The following SAMSN1 variants were observed in gnomAD, a reference collection of about 807,000 sequenced individuals.
SAMSN1 encodes SAM domain, SH3 domain and nuclear localization signals 1.
SAMSN1 carries 31 observed loss-of-function variants against 42.0 expected under a neutral mutation model. The observed-to-expected ratio is 0.74, with a 90% CI of 0.55 to 1.00. The LOEUF is 1.00. Among genes scored for constraint, SAMSN1 ranks in the 50% least tolerant of loss-of-function variants. The probability of loss-of-function intolerance (pLI) is 0.00; values close to 1 mark genes in which losing one functional copy is unlikely to be tolerated. For synonymous variants in SAMSN1, 178 were observed against 151.9 expected (o/e 1.17, Z -1.26); for missense variants, 464 against 439.4 (o/e 1.06, Z -0.50).
At chr21:14,654,492 G>A (rs1361575599) in intron 1 of SAMSN1, among the ~76,000 whole-genome samples, 1 of 151,982 alleles carries the variant, frequency 6.6e-6, no homozygotes, top group Non-Finnish European at 1.5e-5. Flanking sequence ...CTTAAACCCT[G>A]AGGGGTAGCA....
At chr21:14,605,108 G>A (rs914857966) in intron 5 of SAMSN1, among the ~76,000 whole-genome samples, 1 of 152,202 alleles carries the variant, frequency 6.6e-6, no homozygotes, top group Non-Finnish European at 1.5e-5. Context: ...GGCAGCAAGG[G>A]ATGATGTAAA....
At chr21:14,597,194 T>C (rs1436954407) in intron 6 of SAMSN1, among the ~76,000 whole-genome samples, 1 of 152,086 alleles carries the variant, frequency 6.6e-6, no homozygotes, top group African/African-American at 2.4e-5. Flanking sequence ...TGATAAAACC[T>C]AGTGAAAGAC....
chr21:14,586,267 AAAAAAAAAAAAG>A (rs1356747295), upstream of SAMSN1, among the ~76,000 whole-genome samples: 2 of 149,590 alleles, frequency 1.3e-5, no homozygotes, highest in South Asian at 4.2e-4. Flanking sequence ...CATCTCAAAA[AAAAAAAAAAAAG>A]AAAAAGAAAA....
intron 1 of SAMSN1, among the ~76,000 whole-genome samples, chr21:14,539,809 C>G (rs1392576773): frequency 6.6e-6 from 1 of 152,012 alleles, no homozygotes; most frequent in Non-Finnish European, 1.5e-5. Context: ...AGTTCATATG[C>G]AACCAAAAAA....
At chr21:14,581,340 A>ATTTTT (rs1404934178) in intron 2 of SAMSN1, among the ~76,000 whole-genome samples, 37 of 22,506 alleles carry the variant, frequency 1.6e-3, no homozygotes, top group Non-Finnish European at 3.6e-3. Flanking sequence ...GGGAAATAAT[A>ATTTTT]TTTCTTTTTT....
rs142712109 is a variant in SAMSN1 at position 14,558,731 on chromosome 21, C to G, written c.261+23405G>C. 3.2e-4 allele frequency among the ~76,000 whole-genome samples: 49 copies of G among 152,128 alleles called. No individual in the cohort carries two copies. The East Asian group carries it at 9.3e-3, about 29-fold the overall frequency. ...ACAACAACAACAACCAAAACTTTCT[C>G]CTGTATGGAGAAATTCATAAGATAT... On this transcript the variant is annotated intron_variant, in intron 2 of 8. Coordinates refer to the SAMSN1 transcript ENST00000285670.
chr21:14,635,232 C>T (rs914616032), intron 2 of SAMSN1, among the ~76,000 whole-genome samples: 4 of 151,938 alleles, frequency 2.6e-5, no homozygotes, highest in Admixed American at 1.3e-4. Flanking sequence ...CTAATGTATG[C>T]GGGGCTTAAA....
At chr21:14,637,663 T>C (rs958924451) in intron 2 of SAMSN1, among the ~76,000 whole-genome samples, 10 of 152,052 alleles carry the variant, frequency 6.6e-5, no homozygotes, top group African/African-American at 9.7e-5. Flanking sequence ...TTCTCTAAAA[T>C]AATGTGATTG....
intron 2 of SAMSN1, among the ~76,000 whole-genome samples, chr21:14,576,837 A>G (rs73348015): frequency 0.055 from 8,315 of 151,776 alleles, 511 homozygotes; most frequent in African/African-American, 0.15. Flanking sequence ...CACTATTACA[A>G]TTTTTCTCAC....
At chr21:14,536,680 T>G (rs918612394) in intron 1 of SAMSN1, among the ~76,000 whole-genome samples, 5 of 151,924 alleles carry the variant, frequency 3.3e-5, no homozygotes, top group African/African-American at 1.2e-4. Flanking sequence ...AATTATATGT[T>G]TAAGAAAGAA....
At chr21:14,577,108 T>A (rs1476746979) in intron 2 of SAMSN1, among the ~76,000 whole-genome samples, 1 of 126,258 alleles carries the variant, frequency 7.9e-6, no homozygotes, top group Non-Finnish European at 1.6e-5. Flanking sequence ...CAGGCTGGAG[T>A]GCAGTCGTGC....
intron 5 of SAMSN1, among the ~76,000 whole-genome samples, chr21:14,503,045 T>A (rs1987239954): frequency 6.6e-6 from 1 of 152,214 alleles, no homozygotes; most frequent in Admixed American, 6.5e-5. Flanking sequence ...CTCTTTGTGC[T>A]ATTGTAACTC....
chr21:14,527,053 C>T (rs17003466), intron 1 of SAMSN1, among the ~76,000 whole-genome samples: 1 of 152,178 alleles, frequency 6.6e-6, no homozygotes, highest in Non-Finnish European at 1.5e-5. Flanking sequence ...TTGTGAGGCA[C>T]ACATCTGCAG....
intron 6 of SAMSN1, 81 bp downstream of exon 6, chr21:14,500,448 T>C: frequency 8.6e-7 from 1 of 1,166,702 alleles, no homozygotes; most frequent in East Asian, 2.4e-5. Context: ...TTTTAAGCAA[T>C]GCAACACAAA....
intron 2 of SAMSN1, among the ~76,000 whole-genome samples, chr21:14,626,912 T>C (rs1983192520): frequency 1.3e-5 from 2 of 151,936 alleles, no homozygotes; most frequent in Admixed American, 6.6e-5. Context: ...ATTAAGAAAA[T>C]ATGGCACATA....
At chr21:14,656,579 A>C (rs1032073523) in intron 1 of SAMSN1, among the ~76,000 whole-genome samples, 2 of 151,802 alleles carry the variant, frequency 1.3e-5, no homozygotes, top group Non-Finnish European at 2.9e-5. Context: ...TCTAAGAAAA[A>C]TTGTGGAGTC....
intron 4 of SAMSN1, among the ~76,000 whole-genome samples, chr21:14,611,059 GA>G (rs1301785131): frequency 6.6e-6 from 1 of 151,938 alleles, no homozygotes; most frequent in Non-Finnish European, 1.5e-5. Flanking sequence ...CCAAGTAGCT[GA>G]AACTACAGTC....
At chr21:14,656,796 TA>T (rs1983923447) in intron 1 of SAMSN1, among the ~76,000 whole-genome samples, 2 of 151,994 alleles carry the variant, frequency 1.3e-5, no homozygotes, top group South Asian at 4.1e-4. Context: ...CCCCTACACT[TA>T]AATAAAAGAT....
intron 5 of SAMSN1, among the ~76,000 whole-genome samples, chr21:14,501,552 G>A (rs1351567591): frequency 6.6e-6 from 1 of 152,144 alleles, no homozygotes; most frequent in Non-Finnish European, 1.5e-5. Context: ...CATTCCAGGA[G>A]GTGCTCCCTA....
Sources: gnomAD v4.1 joint callset for allele counts (sites outside exome capture counted in the v4.1 genomes callset) on GRCh38, gnomAD v4.1.1 for gene constraint, MANE v1.5 for transcripts, NCBI Gene and HGNC (gene_info 2026-07-23, HGNC 2026-07-21) for gene names.